Variants in DIP2B observed in about 807,000 individuals in gnomAD.
The protein encoded by DIP2B is DIP2 acetate--CoA ligase B (putative).
In DIP2B, 76 loss-of-function variants were observed where a neutral mutation model predicts 198.0. That is an observed-to-expected ratio of 0.38 (90% CI 0.32 to 0.46). DIP2B has a LOEUF of 0.46. Among genes scored for constraint, DIP2B ranks in the 20% least tolerant of loss-of-function variants. DIP2B has a pLI of 0.99. For missense variants in DIP2B, 1,559 were observed against 1,978.4 expected (o/e 0.79, Z 4.02); for synonymous variants, 701 against 739.1 (o/e 0.95, Z 0.84).
At chr12:50,517,238 GA>G (rs1958074021) in intron 1 of DIP2B, among the ~76,000 whole-genome samples, 1 of 151,558 alleles carries the variant, frequency 6.6e-6, no homozygotes, top group Non-Finnish European at 1.5e-5. Flanking sequence ...GTTTTAATTA[GA>G]TTTTTTTTTT....
chr12:50,557,617 G>C lies in DIP2B; in HGVS notation c.100+52377G>C, dbSNP rs1958482850. Among the ~76,000 whole-genome samples the C allele has an allele frequency of 1.3e-5, 2 of 152,198 alleles. 1 individual carries two copies. The highest frequency in any genetic ancestry group is 1.3e-4 in the Admixed American group (2 of 15,272). On this transcript the variant is annotated intron_variant, in intron 1 of 37. Coordinates refer to ENST00000301180, the MANE Select transcript of DIP2B (RefSeq NM_173602.3). ...TGGCTAATGGGCTGCTGGGTGGGGG[G>C]ATATTGCCTGAGGGATCTGCTGGAG...
intron 12 of DIP2B, among the ~76,000 whole-genome samples, chr12:50,687,977 G>T (rs539305807): frequency 6.6e-6 from 1 of 151,682 alleles, no homozygotes; most frequent in East Asian, 1.9e-4. Flanking sequence ...ACTTTTGGAG[G>T]CTGAGGTGGA....
At chr12:50,552,487 C>T (rs986200734) in intron 1 of DIP2B, among the ~76,000 whole-genome samples, 2 of 151,876 alleles carry the variant, frequency 1.3e-5, no homozygotes, top group Non-Finnish European at 2.9e-5. Context: ...AGGATGGTCT[C>T]GATCTCCTGA....
intron 4 of DIP2B, among the ~76,000 whole-genome samples, chr12:50,663,555 CAAATAAAT>C (rs60815215): frequency 8.2e-4 from 117 of 141,912 alleles, no homozygotes; most frequent in African/African-American, 2.9e-3. Context: ...GACTCCGTCT[CAAATAAAT>C]AAATAAATAA....
At chr12:50,691,830 G>A (rs1245564070) in intron 13 of DIP2B, among the ~76,000 whole-genome samples, 2 of 152,122 alleles carry the variant, frequency 1.3e-5, no homozygotes, top group East Asian at 1.9e-4. Context: ...TTGGGAGGCC[G>A]AGGCAGATGG....
In DIP2B at chr12:50,688,067, C is replaced by T. The variant is rs565198746; in HGVS notation, c.1551+1385C>T. Among the ~76,000 whole-genome samples, 3 of 152,034 alleles carry T rather than the reference C, an allele frequency of 2.0e-5. No individual in the cohort carries two copies. The East Asian group carries it at 5.8e-4, about 29-fold the overall frequency. On this transcript the variant is annotated intron_variant, in intron 12 of 37. Coordinates refer to ENST00000301180, the MANE Select transcript of DIP2B (RefSeq NM_173602.3). ...TTCTACTAAAAATAAAAAAAATTAG[C>T]TGGGCATGATGATGCACGTCTGTAG...
intron 23 of DIP2B, among the ~76,000 whole-genome samples, chr12:50,717,018 A>C (rs529776773): frequency 1.2e-4 from 14 of 116,266 alleles, no homozygotes; most frequent in Admixed American, 5.0e-4. Context: ...GCTGGAGTAC[A>C]GTAGCGTGAT....
intron 4 of DIP2B, among the ~76,000 whole-genome samples, chr12:50,665,831 T>G (rs1261110069): frequency 7.9e-5 from 12 of 151,896 alleles, no homozygotes. Flanking sequence ...GTATGCATGG[T>G]ACTGGAATGA....
chr12:50,525,906 A>G (rs934674587), intron 1 of DIP2B, among the ~76,000 whole-genome samples: 9 of 152,140 alleles, frequency 5.9e-5, no homozygotes, highest in African/African-American at 2.2e-4. Context: ...AGAACCTCCA[A>G]GGTTAAATTA....
At chr12:50,579,715 A>T (rs1958705498) in intron 1 of DIP2B, among the ~76,000 whole-genome samples, 1 of 108,680 alleles carries the variant, frequency 9.2e-6, no homozygotes, top group African/African-American at 3.4e-5. Context: ...ATATATATAT[A>T]TATACATAGC....
chr12:50,737,333 C>T (rs746589995), intron 35 of DIP2B, among the ~76,000 whole-genome samples: 8 of 152,142 alleles, frequency 5.3e-5, no homozygotes, highest in Non-Finnish European at 1.2e-4. Flanking sequence ...CAGATTTGTC[C>T]ACTGACATGC....
Position 50,737,057 on chromosome 12 carries a change from G to C in DIP2B, c.4123G>C (p.Val1375Leu). The C allele has an allele frequency of 6.2e-7, 1 of 1,613,968 alleles. No homozygotes were observed. Among genetic ancestry groups the C allele is most frequent in the African/African-American group, 1.3e-5 (1 of 75,028 alleles). The change falls in exon 35 of 38, where the codon GTT (valine) becomes CTT (leucine). Residue 1375 changes from valine to leucine, a missense_variant. Transcript: ENST00000301180. ...TTAGATTTTACCTGGAGTGAAAGTG[G>C]TTATTGTTAATCCTGAGACCAAAGG... The part of the protein sequence containing the change: ...SGKILPGVKV[V>L]IVNPETKGPV...
At chr12:50,669,192 C>G (rs962686070) in intron 4 of DIP2B, among the ~76,000 whole-genome samples, 5 of 152,166 alleles carry the variant, frequency 3.3e-5, no homozygotes, top group Non-Finnish European at 5.9e-5. Flanking sequence ...TTGAAATTAT[C>G]TGTGGGCTTC....
At chr12:50,709,217 T>A (rs1490372422) in intron 22 of DIP2B, among the ~76,000 whole-genome samples, 2 of 152,256 alleles carry the variant, frequency 1.3e-5, no homozygotes, top group Non-Finnish European at 2.9e-5. Flanking sequence ...TAAAATTATC[T>A]GTTTTATAGA....
intron 1 of DIP2B, among the ~76,000 whole-genome samples, chr12:50,550,699 C>G (rs564232987): frequency 3.9e-5 from 6 of 152,286 alleles, no homozygotes; most frequent in Admixed American, 1.3e-4. Flanking sequence ...AGAGGCAGCC[C>G]GCTTCTCTGC....
chr12:50,697,329 A>T (rs1939330564), intron 17 of DIP2B, among the ~76,000 whole-genome samples, 154 bp downstream of exon 17: 1 of 152,172 alleles, frequency 6.6e-6, no homozygotes, highest in South Asian at 2.1e-4. Context: ...GTATGCAGTA[A>T]ACTGAAAAAT....
In DIP2B at chr12:50,671,259, C is replaced by T; in HGVS notation, c.501C>T (p.Ser167=). ...CGCTCTCTGCTGCCTTGCAACAGAG[C>T]TTACAGAATGCTGAGTCCTGGATCA... is the stretch of plus-strand genomic sequence containing the variant. ...QAALSAALQQ[S]LQNAESWINR... is the part of the protein sequence containing the mutation. The change falls in exon 5 of 38, where the codon AGC becomes AGT. Residue 167 remains serine (S), a synonymous_variant. Coordinates refer to ENST00000301180, the MANE Select transcript of DIP2B (RefSeq NM_173602.3). 1 of 1,614,150 alleles carries T rather than the reference C, an allele frequency of 6.2e-7. No homozygotes were observed. The highest frequency in any genetic ancestry group is 1.1e-5 in the South Asian group (1 of 91,080).
chr12:50,746,917 A>C lies in DIP2B; in HGVS notation c.*2078A>C, dbSNP rs1018854944. 2 of 152,220 alleles carry C rather than the reference A, an allele frequency of 1.3e-5. No individual in the cohort carries two copies. The highest frequency in any genetic ancestry group is 2.9e-5 in the Non-Finnish European group (2 of 68,026). 9.4% of individuals were successfully genotyped at this position (152,220 alleles called of 1,614,324 possible). On this transcript the variant is annotated 3_prime_UTR_variant, in exon 38 of 38. Transcript: ENST00000301180. ...TTCTTACTAACACAGATTAGGGTAT[A>C]GGCATCTAGAGATGCACTGTCCACT... is the stretch of plus-strand genomic sequence containing the variant.
intron 9 of DIP2B, among the ~76,000 whole-genome samples, chr12:50,681,206 G>A (rs1939034336): frequency 6.6e-6 from 1 of 152,122 alleles, no homozygotes; most frequent in African/African-American, 2.4e-5. Context: ...TGAGGCGGGA[G>A]GATCACTTGA....
Sources: allele counts gnomAD v4.1 joint callset (sites outside exome capture counted in the v4.1 genomes callset), GRCh38; gene constraint gnomAD v4.1.1; transcripts MANE v1.5; gene names NCBI Gene and HGNC (gene_info 2026-07-23, HGNC 2026-07-21).